Variants in CCDC88C observed in about 807,000 individuals in gnomAD.
CCDC88C encodes coiled-coil and HOOK domain protein 88C.
A neutral mutation model predicts 198.8 loss-of-function variants in CCDC88C; 131 were observed. That is an observed-to-expected ratio of 0.66 (90% CI 0.57 to 0.76). The LOEUF is 0.76. Ranked by LOEUF, CCDC88C falls within the 30% of genes least tolerant of loss-of-function variation. The pLI is 0.00. For synonymous variants in CCDC88C, 1,166 were observed against 1,114.7 expected (o/e 1.05, Z -0.92); for missense variants, 2,553 against 2,631.6 (o/e 0.97, Z 0.65).
At chr14:91,293,060 C>T (rs1315758890) in intron 23 of CCDC88C, among the ~76,000 whole-genome samples, 5 of 115,244 alleles carry the variant, frequency 4.3e-5, no homozygotes, top group Non-Finnish European at 7.6e-5. Flanking sequence ...ACCTTCCTGT[C>T]CCCTCACCTG....
intron 4 of CCDC88C, among the ~76,000 whole-genome samples, chr14:91,344,385 C>T (rs1200947742): frequency 1.3e-5 from 2 of 152,172 alleles, no homozygotes; most frequent in South Asian, 4.1e-4. Context: ...TAATGAACCT[C>T]CACAATACAC....
chr14:91,376,068 G>A (rs555899680), intron 3 of CCDC88C, among the ~76,000 whole-genome samples: 8 of 152,266 alleles, frequency 5.3e-5, no homozygotes, highest in Admixed American at 1.3e-4. Flanking sequence ...ATGTATCTGC[G>A]GAGGAGACCT....
At chr14:91,274,415 G>C (rs116493938) in intron 29 of CCDC88C, among the ~76,000 whole-genome samples, 116 of 152,364 alleles carry the variant, frequency 7.6e-4, no homozygotes, top group African/African-American at 2.7e-3. Context: ...ACAGAGGCAA[G>C]GGTCTATGGC....
chr14:91,375,535 G>A (rs1207899751), intron 3 of CCDC88C, among the ~76,000 whole-genome samples: 1 of 152,234 alleles, frequency 6.6e-6, no homozygotes, highest in Non-Finnish European at 1.5e-5. Context: ...CGGGGAAGGA[G>A]GGAAGGGCAG....
chr14:91,296,069 T>C (rs1890989526), intron 22 of CCDC88C, among the ~76,000 whole-genome samples: 6 of 152,146 alleles, frequency 3.9e-5, no homozygotes, highest in Admixed American at 3.9e-4. Context: ...GAAACCCACC[T>C]CTGCGGCTTA....
intron 3 of CCDC88C, among the ~76,000 whole-genome samples, chr14:91,407,878 G>T (rs1886589763): frequency 6.6e-6 from 1 of 152,154 alleles, no homozygotes; most frequent in Non-Finnish European, 1.5e-5. Context: ...CACCTCCCAG[G>T]TTCAAGCGAT....
intron 29 of CCDC88C, among the ~76,000 whole-genome samples, chr14:91,275,655 C>A (rs535600449): frequency 6.8e-6 from 1 of 146,742 alleles, no homozygotes; most frequent in East Asian, 2.0e-4. Context: ...ATTTTTGTAT[C>A]TTTAGTAGAG....
Position 91,325,567 on chromosome 14 carries a change from GTTTTC to G in CCDC88C, c.1197+338_1197+342del, listed in dbSNP as rs1008019321. ...CATAAACCTGAACCTGCCCCAATCG[GTTTTC>G]TTTTCTTTCTTTCTTTTTTTCTGAG... On this transcript the variant is annotated intron_variant, in intron 11 of 29. Coordinates refer to ENST00000389857, the MANE Select transcript of CCDC88C (RefSeq NM_001080414.4). This position sits in a 1 kb window ranked among gnomAD's most constrained non-coding sequence, Gnocchi z 4.1. Among the ~76,000 whole-genome samples the G allele has an allele frequency of 2.6e-5, 4 of 152,044 alleles. No homozygotes were observed. The highest frequency in any genetic ancestry group is 9.7e-5 in the African/African-American group (4 of 41,398).
In CCDC88C at chr14:91,281,224, C is replaced by T. The variant is rs1481476772; in HGVS notation, c.4699+233G>A. 11 of 1,095,606 alleles carry T rather than the reference C, an allele frequency of 1.0e-5. No homozygotes were observed. In the African/African-American group the frequency reaches 1.1e-4, roughly 11 times the overall value. 67.9% of individuals were successfully genotyped at this position (1,095,606 alleles called of 1,614,324 possible). A position where few individuals can be genotyped will look rare whatever the true frequency, so the allele number is the denominator to read the frequency against. On this transcript the variant is annotated intron_variant, in intron 27 of 29. Coordinates refer to ENST00000389857, the MANE Select transcript of CCDC88C (RefSeq NM_001080414.4). ...GCTTGAAGGCATGAAGAGGAGAGGT[C>T]GGTGCTTCCAGAACTGTGATGCTTG...
chr14:91,295,653 T>C (rs931054746), intron 22 of CCDC88C, among the ~76,000 whole-genome samples: 11 of 152,202 alleles, frequency 7.2e-5, no homozygotes, highest in African/African-American at 2.7e-4. Context: ...ATGTAAGGCA[T>C]ATGGGCTCCT....
intron 4 of CCDC88C, among the ~76,000 whole-genome samples, chr14:91,347,243 A>C (rs1007324282): frequency 1.3e-5 from 2 of 152,208 alleles, no homozygotes; most frequent in African/African-American, 4.8e-5. Flanking sequence ...ATCTTTATGT[A>C]CTCTATTCGC....
At chr14:91,399,603 C>T (rs1240948125) in intron 3 of CCDC88C, among the ~76,000 whole-genome samples, 4 of 151,996 alleles carry the variant, frequency 2.6e-5, no homozygotes, top group South Asian at 2.1e-4. Context: ...TTTGGGAGGC[C>T]GAGGCAGGTG....
In CCDC88C at chr14:91,272,247, AGT is replaced by A; in HGVS notation, c.*376_*377del. On this transcript the variant is annotated 3_prime_UTR_variant, in exon 30 of 30. Transcript: ENST00000389857. Reference sequence around the variant, plus strand: ...CTGAGCCTCGTAAGCCTGTTGTGTGAGTGTGTGTGTGCTTAACGGAGCTCAAC... The same window carrying A: ...CTGAGCCTCGTAAGCCTGTTGTGTGAGTGTGTGTGCTTAACGGAGCTCAAC... 2.1e-5 allele frequency: 4 copies of A among 187,906 alleles called. No homozygotes were observed. Among genetic ancestry groups the A allele is most frequent in the African/African-American group, 2.4e-5 (1 of 42,220 alleles). 11.6% of individuals were successfully genotyped at this position (187,906 alleles called of 1,614,324 possible).
intron 24 of CCDC88C, among the ~76,000 whole-genome samples, chr14:91,290,657 T>C (rs1293124493): frequency 6.6e-6 from 1 of 152,222 alleles, no homozygotes; most frequent in Non-Finnish European, 1.5e-5. Flanking sequence ...AACATGGGTG[T>C]CCAGGTCATG....
chr14:91,297,593 G>T, intron 21 of CCDC88C, 102 bp from the exon 22 acceptor site: 1 of 1,227,108 alleles, frequency 8.1e-7, no homozygotes, highest in Admixed American at 2.5e-5. Flanking sequence ...GTGGCAGGCT[G>T]TGCAACCTTA....
At chr14:91,395,795 A>G (rs1220639455) in intron 3 of CCDC88C, among the ~76,000 whole-genome samples, 3 of 151,942 alleles carry the variant, frequency 2.0e-5, no homozygotes, top group Non-Finnish European at 4.4e-5. Context: ...ACACCCCTAC[A>G]TGTAGAATTA....
At chr14:91,404,689 C>T (rs1415126810) in intron 3 of CCDC88C, among the ~76,000 whole-genome samples, 1 of 152,124 alleles carries the variant, frequency 6.6e-6, no homozygotes, top group African/African-American at 2.4e-5. Context: ...CTTGGCTGGG[C>T]GCGGTGGCTC....
intron 3 of CCDC88C, chr14:91,384,616 A>C: frequency 2.5e-6 from 1 of 407,372 alleles, no homozygotes; most frequent in South Asian, 1.8e-5. Flanking sequence ...TGTGCTGCAC[A>C]CTACGCACTG....
rs1056685334 is a variant in CCDC88C, at chr14:91,381,763, G to A, written c.271-22052C>T. On this transcript the variant is annotated intron_variant, in intron 3 of 29. Transcript: ENST00000389857. This position sits in a 1 kb window ranked among gnomAD's most constrained non-coding sequence, Gnocchi z 4.2. ...GCAGGAGAATCGCTTGAACCCAGGA[G>A]GCAGAGGTTGCGGTGAGCCAAGATC... is the stretch of plus-strand genomic sequence containing the variant. 2.0e-5 allele frequency among the ~76,000 whole-genome samples: 3 copies of A among 152,206 alleles called. No individual in the cohort carries two copies. The highest frequency in any genetic ancestry group is 2.9e-5 in the Non-Finnish European group (2 of 68,038).
Sources: gnomAD v4.1 joint callset for allele counts (sites outside exome capture counted in the v4.1 genomes callset) on GRCh38, gnomAD v4.1.1 for gene constraint, Gnocchi (gnomAD v3.1) non-coding constraint, MANE v1.5 for transcripts, NCBI Gene and HGNC (gene_info 2026-07-23, HGNC 2026-07-21) for gene names.